The following YWHAE variants were observed in gnomAD, a reference collection of about 807,000 sequenced individuals.
The protein encoded by YWHAE is 14-3-3 protein epsilon.
A neutral mutation model predicts 30.1 loss-of-function variants in YWHAE; 4 were observed. The ratio of observed to expected loss-of-function variants is 0.13; its 90% CI spans 0.07 to 0.30. YWHAE has a LOEUF of 0.30. YWHAE is among the 10% of genes least tolerant of loss of function. The probability of loss-of-function intolerance (pLI) is 1.00; values close to 1 mark genes in which losing one functional copy is unlikely to be tolerated. For missense variants in YWHAE, 121 were observed against 315.9 expected, an observed-to-expected ratio of 0.38 and a Z score of 4.68; for synonymous variants, 118 against 111.8, an observed-to-expected ratio of 1.06 and a Z score of -0.35.
chr17:1,347,656 G>C (rs771883911), intron 5 of YWHAE, among the ~76,000 whole-genome samples: 25 of 152,130 alleles, frequency 1.6e-4, no homozygotes, highest in Non-Finnish European at 2.9e-5. Context: ...AACATGATAG[G>C]AACATTCACT....
intron 2 of YWHAE, among the ~76,000 whole-genome samples, chr17:1,364,292 T>A (rs567454646): frequency 6.6e-6 from 1 of 151,784 alleles, no homozygotes; most frequent in African/African-American, 2.4e-5. Flanking sequence ...AGCAGTGCGA[T>A]CTCGGCTCAC....
Position 1,344,538 on chromosome 17 carries a change from A to G in YWHAE, c.*909T>C, listed in dbSNP as rs2072485185. On this transcript the variant is annotated 3_prime_UTR_variant, in exon 6 of 6. Transcript: ENST00000264335. ...GAAGTATAAAGGATGGAGGCGCGAT[A>G]TTTGGCATTTTTAATTTAGGTTTGT... 4.8e-6 allele frequency: 1 copy of G among 207,994 alleles called. No individual in the cohort carries two copies. The highest frequency in any genetic ancestry group is 9.8e-6 in the Non-Finnish European group (1 of 101,854). 12.9% of individuals were successfully genotyped at this position (207,994 alleles called of 1,614,324 possible).
At chr17:1,347,169 T>C (rs1157205338) in intron 5 of YWHAE, among the ~76,000 whole-genome samples, 23 of 21,024 alleles carry the variant, frequency 1.1e-3, no homozygotes, top group African/African-American at 5.4e-3. Flanking sequence ...CTACTAAAAA[T>C]ACAAAAAAAA....
intron 1 of YWHAE, among the ~76,000 whole-genome samples, chr17:1,368,563 C>CAA (rs11285222): frequency 9.8e-6 from 1 of 102,432 alleles, no homozygotes; most frequent in Non-Finnish European, 2.1e-5. Context: ...GACTCTGTCT[C>CAA]AAAAAAAAAA....
intron 1 of YWHAE, among the ~76,000 whole-genome samples, chr17:1,365,273 G>A (rs2072924712): frequency 1.3e-5 from 2 of 152,126 alleles, no homozygotes; most frequent in Non-Finnish European, 2.9e-5. Context: ...TAGTTAGGTG[G>A]AGTGAGAAAG....
chr17:1,399,263 A>C (rs964653381), intron 1 of YWHAE: 2 of 152,154 alleles, frequency 1.3e-5, no homozygotes, highest in African/African-American at 4.8e-5. Context: ...CTCCTGTTTT[A>C]AGTCTGAGGA....
intron 5 of YWHAE, among the ~76,000 whole-genome samples, chr17:1,346,288 G>A (rs2072514838): frequency 6.6e-6 from 1 of 152,160 alleles, no homozygotes; most frequent in Non-Finnish European, 1.5e-5. Flanking sequence ...AAAGAAGCAT[G>A]CAGGCTTTTC....
intron 4 of YWHAE, 38 bp downstream of exon 4, chr17:1,361,053 CT>C: frequency 6.3e-7 from 1 of 1,591,390 alleles, no homozygotes; most frequent in Non-Finnish European, 8.6e-7. Flanking sequence ...CCCCCCTTAA[CT>C]TTCACGCTGA....
intron 1 of YWHAE, among the ~76,000 whole-genome samples, chr17:1,375,799 T>TC (rs1450720962): frequency 6.6e-6 from 1 of 152,228 alleles, no homozygotes; most frequent in Non-Finnish European, 1.5e-5. Context: ...CACAAGTTTT[T>TC]CCCCTTGACT....
chr17:1,385,278 G>A (rs1023327017), intron 1 of YWHAE, among the ~76,000 whole-genome samples: 1 of 152,098 alleles, frequency 6.6e-6, no homozygotes, highest in Admixed American at 6.6e-5. Flanking sequence ...TTAATGATGT[G>A]CAGTTATTCA....
At chr17:1,384,431 C>G (rs2073267455) in intron 1 of YWHAE, among the ~76,000 whole-genome samples, 1 of 151,580 alleles carries the variant, frequency 6.6e-6, no homozygotes, top group Admixed American at 6.6e-5. Context: ...GTGGCTCACG[C>G]CTGTAATCCC....
chr17:1,375,362 T>C (rs2073106548), intron 1 of YWHAE, among the ~76,000 whole-genome samples: 1 of 152,148 alleles, frequency 6.6e-6, no homozygotes, highest in Admixed American at 6.6e-5. Flanking sequence ...TATATTCACA[T>C]AAAGGCCCTC....
chr17:1,346,885 G>C (rs2072528126), intron 5 of YWHAE, among the ~76,000 whole-genome samples: 1 of 151,406 alleles, frequency 6.6e-6, no homozygotes, highest in African/African-American at 2.4e-5. Flanking sequence ...CAGCTACCTG[G>C]GAAGCTGAGG....
In YWHAE at chr17:1,371,864, A is replaced by C. The variant is rs8081524; in HGVS notation, c.65-6806T>G. The stretch of plus-strand genomic sequence containing the variant: ...CTTTTTTTTTTTTTTTTTGAGACAG[A>C]ATTTCACTTTGTCGCTCAGGCTGGA... On this transcript the variant is annotated intron_variant, in intron 1 of 5. Coordinates refer to ENST00000264335, the MANE Select transcript of YWHAE (RefSeq NM_006761.5). Among the ~76,000 whole-genome samples the C allele has an allele frequency of 1.0e-3, 146 of 146,652 alleles. 1 individual carries two copies. The highest frequency in any genetic ancestry group is 3.6e-3 in the African/African-American group (142 of 39,416).
intron 4 of YWHAE, among the ~76,000 whole-genome samples, chr17:1,358,429 C>T (rs1234832644): frequency 2.6e-5 from 4 of 151,582 alleles, no homozygotes; most frequent in Non-Finnish European, 5.9e-5. Flanking sequence ...TTAGTAGAGA[C>T]GGGGTTTCAC....
intron 4 of YWHAE, among the ~76,000 whole-genome samples, chr17:1,355,115 T>TAACAAA (rs2072712838): frequency 1.9e-4 from 14 of 72,364 alleles, no homozygotes; most frequent in African/African-American, 6.9e-4. Flanking sequence ...CCAAGATTTT[T>TAACAAA]TAAAAAAAAA....
intron 5 of YWHAE, among the ~76,000 whole-genome samples, chr17:1,353,857 T>C (rs2072682911): frequency 1.3e-5 from 2 of 152,044 alleles, no homozygotes; most frequent in Non-Finnish European, 2.9e-5. Context: ...AGATAAAATA[T>C]TTCAACAAAG....
chr17:1,390,609 T>C (rs1333586316), intron 1 of YWHAE, among the ~76,000 whole-genome samples: 1 of 152,194 alleles, frequency 6.6e-6, no homozygotes, highest in Non-Finnish European at 1.5e-5. Flanking sequence ...TAATCCCCAT[T>C]TGAAAGATAA....
intron 1 of YWHAE, among the ~76,000 whole-genome samples, chr17:1,396,147 C>T (rs2073468262): frequency 6.6e-6 from 1 of 150,960 alleles, no homozygotes; most frequent in South Asian, 2.1e-4. Flanking sequence ...TGACCAGGCG[C>T]GGTGGCTCAG....
Sources: gnomAD v4.1 joint callset for allele counts (sites outside exome capture counted in the v4.1 genomes callset) on GRCh38, gnomAD v4.1.1 for gene constraint, MANE v1.5 for transcripts, NCBI Gene and HGNC (gene_info 2026-07-23, HGNC 2026-07-21) for gene names.